The following UBE2K variants were observed in gnomAD, a reference collection of about 807,000 sequenced individuals.
UBE2K encodes ubiquitin-conjugating enzyme E2 K.
Under a neutral mutation model 30.0 loss-of-function variants are expected in UBE2K, and 6 were observed. The observed-to-expected ratio is 0.20, with a 90% confidence interval of 0.11 to 0.39. UBE2K has a LOEUF of 0.39. UBE2K is among the 10% of genes least tolerant of loss of function. The pLI is 1.00. For synonymous variants in UBE2K, 86 were observed against 83.7 expected (o/e 1.03, Z -0.15); for missense variants, 61 against 241.6 (o/e 0.25, Z 4.96).
intron 1 of UBE2K, among the ~76,000 whole-genome samples, chr4:39,735,130 T>G (rs925492826): frequency 6.6e-6 from 1 of 152,260 alleles, no homozygotes; most frequent in African/African-American, 2.4e-5. Flanking sequence ...AACACTGGCT[T>G]CTTAAATTGG....
intron 3 of UBE2K, among the ~76,000 whole-genome samples, chr4:39,754,628 G>A (rs1721435095): frequency 6.6e-6 from 1 of 152,080 alleles, no homozygotes; most frequent in African/African-American, 2.4e-5. Flanking sequence ...TCATGCCTCA[G>A]CTCCCTAGTA....
intron 1 of UBE2K, among the ~76,000 whole-genome samples, chr4:39,718,059 GA>G (rs200010570): frequency 0.1 from 15,861 of 152,126 alleles, 1,090 homozygotes; most frequent in East Asian, 0.22. Flanking sequence ...CCACAGTGTG[GA>G]AGGGGACCCG....
At chr4:39,750,011 C>T (rs532054116) in intron 3 of UBE2K, among the ~76,000 whole-genome samples, 1 of 152,136 alleles carries the variant, frequency 6.6e-6, no homozygotes, top group Non-Finnish European at 1.5e-5. Context: ...CTAGCCTGGC[C>T]GACATGGTGA....
intron 2 of UBE2K, among the ~76,000 whole-genome samples, chr4:39,744,268 G>C (rs1445896235): frequency 6.6e-6 from 1 of 152,016 alleles, no homozygotes; most frequent in Admixed American, 6.6e-5. Flanking sequence ...CGCCTCCCAG[G>C]TTCACGCCAT....
chr4:39,715,466 C>G (rs980948060), intron 1 of UBE2K, among the ~76,000 whole-genome samples: 2 of 151,956 alleles, frequency 1.3e-5, no homozygotes, highest in South Asian at 2.1e-4. Flanking sequence ...GCCACCATGC[C>G]CGTCTGCTTT....
In UBE2K at chr4:39,737,467, A is replaced by G; in HGVS notation, c.111A>G (p.Thr37=). ...IKVDLVDENF[T]ELRGEIAGPP... Reference sequence around the variant, plus strand: ...TAGATCTTGTAGATGAGAATTTTACAGAATTAAGAGGAGAAATAGCAGGAC... The same window carrying G: ...TAGATCTTGTAGATGAGAATTTTACGGAATTAAGAGGAGAAATAGCAGGAC... The change falls in exon 2 of 7, where the codon ACA becomes ACG. Residue 37 remains threonine (T), a synonymous_variant. Coordinates refer to ENST00000261427, the MANE Select transcript of UBE2K (RefSeq NM_005339.5). 6.3e-7 allele frequency: 1 copy of G among 1,574,904 alleles called. No individual in the cohort carries two copies. Among genetic ancestry groups the G allele is most frequent in the Admixed American group, 2.0e-5 (1 of 50,332 alleles).
Position 39,781,540 on chromosome 4 carries a change from T to C in UBE2K, c.*3106T>C. The stretch of plus-strand genomic sequence containing the variant: ...CAGATCTTGGGTATAAGTGTATGCC[T>C]GATTTGAGCTTTTAAAACTGTGCAG... On this transcript the variant is annotated 3_prime_UTR_variant, in exon 7 of 7. Coordinates refer to ENST00000261427, the MANE Select transcript of UBE2K (RefSeq NM_005339.5). 6.0e-6 allele frequency: 1 copy of C among 165,442 alleles called. No homozygotes were observed. Among genetic ancestry groups the C allele is most frequent in the Non-Finnish European group, 1.3e-5 (1 of 77,002 alleles). 10.2% of individuals were successfully genotyped at this position (165,442 alleles called of 1,614,324 possible).
chr4:39,758,701 A>G (rs80182803), intron 4 of UBE2K, among the ~76,000 whole-genome samples: 2 of 152,018 alleles, frequency 1.3e-5, no homozygotes, highest in East Asian at 3.8e-4. Flanking sequence ...AAAAAGAAAG[A>G]AAAAGTTTGC....
At chr4:39,739,368 A>G (rs1720552083) in intron 2 of UBE2K, among the ~76,000 whole-genome samples, 1 of 142,378 alleles carries the variant, frequency 7.0e-6, no homozygotes, top group Non-Finnish European at 1.5e-5. Context: ...ATTCTTGAAT[A>G]TTTTCTTGTT....
intron 1 of UBE2K, among the ~76,000 whole-genome samples, chr4:39,706,560 C>T (rs1718378490): frequency 6.6e-6 from 1 of 151,224 alleles, no homozygotes; most frequent in Non-Finnish European, 1.5e-5. Context: ...GCAGCCACCA[C>T]CTCCCAGGTC....
rs929395492 is a variant in UBE2K, at chr4:39,724,155, T to A, written c.64-13265T>A. On this transcript the variant is annotated intron_variant, in intron 1 of 6. Coordinates refer to ENST00000261427, the MANE Select transcript of UBE2K (RefSeq NM_005339.5). ...TTTTTTTTAATTGTTGTCACCAGGC[T>A]GGAGTACGGTGGCACAATCATGGCT... Among the ~76,000 whole-genome samples, 8 of 149,302 alleles carry A rather than the reference T, an allele frequency of 5.4e-5. No individual in the cohort carries two copies. In the Admixed American group the frequency reaches 5.4e-4, roughly 10 times the overall value.
At chr4:39,718,278 TAC>T (rs377617696) in intron 1 of UBE2K, among the ~76,000 whole-genome samples, 128 of 152,334 alleles carry the variant, frequency 8.4e-4, no homozygotes, top group Middle Eastern at 3.4e-3. Context: ...ATTAGCTAGA[TAC>T]AGAGTGTCGA....
intron 1 of UBE2K, among the ~76,000 whole-genome samples, chr4:39,699,474 A>G (rs940504951): frequency 6.6e-6 from 1 of 152,202 alleles, no homozygotes; most frequent in Non-Finnish European, 1.5e-5. Flanking sequence ...TACTACGTTT[A>G]TTTATGTAAG....
At position 39,777,668 on chromosome 4, in the gene UBE2K, T is replaced by C. The variant is rs897449631; in HGVS notation, c.400-14T>C. ...ACTGTAATGTCATGTCAATCAATTT[T>C]TCCCCCCATATAGTACAAACAAAAT... On this transcript the variant is annotated splice_polypyrimidine_tract_variant and intron_variant, in intron 5 of 6. Transcript: ENST00000261427. 10 of 1,533,924 alleles carry C rather than the reference T, an allele frequency of 6.5e-6. No individual in the cohort carries two copies. Among genetic ancestry groups the C allele is most frequent in the Admixed American group, 2.5e-5 (1 of 39,748 alleles).
chr4:39,706,843 A>G (rs1578415395), intron 1 of UBE2K, among the ~76,000 whole-genome samples: 1 of 152,082 alleles, frequency 6.6e-6, no homozygotes, highest in Admixed American at 6.6e-5. Context: ...AAGGATAGAT[A>G]AAAATGGGAG....
intron 4 of UBE2K, among the ~76,000 whole-genome samples, chr4:39,769,113 T>A (rs1712554699): frequency 1.3e-5 from 2 of 152,012 alleles, no homozygotes; most frequent in Non-Finnish European, 2.9e-5. Context: ...ATTACAGACA[T>A]GAGCCACCAT....
intron 1 of UBE2K, among the ~76,000 whole-genome samples, chr4:39,705,884 T>C (rs376390439): frequency 2.3e-3 from 195 of 86,614 alleles, no homozygotes; most frequent in Admixed American, 2.6e-3. Flanking sequence ...GAGTCTCGCT[T>C]TGTCACCCAG....
intron 3 of UBE2K, among the ~76,000 whole-genome samples, chr4:39,754,203 A>T (rs1721414040): frequency 6.6e-6 from 1 of 152,212 alleles, no homozygotes; most frequent in South Asian, 2.1e-4. Flanking sequence ...GAGACTGTGT[A>T]GTAACCTAGA....
chr4:39,753,782 G>C (rs953806686), intron 3 of UBE2K, among the ~76,000 whole-genome samples: 1 of 152,176 alleles, frequency 6.6e-6, no homozygotes, highest in African/African-American at 2.4e-5. Context: ...GTGTGGGATA[G>C]AGGTAAAAAT....
Sources: gnomAD v4.1 joint callset for allele counts (sites outside exome capture counted in the v4.1 genomes callset) on GRCh38, gnomAD v4.1.1 for gene constraint, MANE v1.5 for transcripts, NCBI Gene and HGNC (gene_info 2026-07-23, HGNC 2026-07-21) for gene names.